The following GABRA1 variants were observed in gnomAD, a reference collection of about 807,000 sequenced individuals.
GABRA1 encodes the protein gamma-aminobutyric acid receptor subunit alpha-1.
Under a neutral mutation model 48.9 loss-of-function variants are expected in GABRA1, and 9 were observed. The observed-to-expected ratio is 0.18, with a 90% CI of 0.11 to 0.32. The LOEUF (loss-of-function observed/expected upper bound fraction) is 0.32, where lower values mean the gene tolerates loss of function less well. GABRA1 is among the 10% of genes least tolerant of loss of function. The pLI, the probability that GABRA1 is intolerant of heterozygous loss-of-function variation, is 1.00. For synonymous variants in GABRA1, 210 were observed against 198.7 expected (o/e 1.06, Z -0.48); for missense variants, 285 against 553.8 (o/e 0.51, Z 4.87).
chr5:161,856,727 A>G (rs1757660390), intron 3 of GABRA1, among the ~76,000 whole-genome samples: 1 of 151,340 alleles, frequency 6.6e-6, no homozygotes, highest in African/African-American at 2.4e-5. Context: ...ATAAAATGGC[A>G]CATGTTTATT....
intron 7 of GABRA1, among the ~76,000 whole-genome samples, chr5:161,885,264 G>A (rs2113424305): frequency 6.6e-6 from 1 of 152,184 alleles, no homozygotes; most frequent in African/African-American, 2.4e-5. Flanking sequence ...GATTTCAGTA[G>A]AAAGAAACAG....
intron 1 of GABRA1, 83 bp downstream of exon 1, chr5:161,848,505 C>CGGGGGGGGGGGGGG (rs35469580): frequency 9.8e-5 from 3 of 30,702 alleles, no homozygotes; most frequent in African/African-American, 1.5e-4. Flanking sequence ...ATGTTATAGT[C>CGGGGGGGGGGGGGG]GGGGGGGGGG....
At chr5:161,848,995 C>T (rs1581172933) in intron 1 of GABRA1, 1 of 455,022 alleles carries the variant, frequency 2.2e-6, no homozygotes, top group South Asian at 1.5e-5. Context: ...ATTCTGAACA[C>T]GAAAACTCAA....
chr5:161,881,497 T>C (rs980441125), intron 6 of GABRA1, among the ~76,000 whole-genome samples: 1 of 152,140 alleles, frequency 6.6e-6, no homozygotes, highest in Non-Finnish European at 1.5e-5. Flanking sequence ...TAAAAATGAT[T>C]GAGAAGAGTG....
At chr5:161,886,762 G>A (rs1754866751) in intron 7 of GABRA1, among the ~76,000 whole-genome samples, 1 of 152,066 alleles carries the variant, frequency 6.6e-6, no homozygotes, top group Admixed American at 6.6e-5. Context: ...GGGTGACAGA[G>A]TGAGACCCTG....
At chr5:161,863,296 G>A (rs901696314) in intron 3 of GABRA1, among the ~76,000 whole-genome samples, 4 of 151,862 alleles carry the variant, frequency 2.6e-5, no homozygotes, top group African/African-American at 7.3e-5. Flanking sequence ...TAACTGAGAC[G>A]GGTAATTTAT....
Position 161,883,933 on chromosome 5 carries a change from A to G in GABRA1, c.703+1232A>G, listed in dbSNP as rs1581208391. Among the ~76,000 whole-genome samples, 6 of 151,948 alleles carry G rather than the reference A, an allele frequency of 3.9e-5. No homozygotes were observed. In the East Asian group the frequency reaches 9.6e-4, roughly 24 times the overall value. On this transcript the variant is annotated intron_variant, in intron 7 of 9. Coordinates refer to ENST00000393943, the MANE Select transcript of GABRA1 (RefSeq NM_001127644.2). Reference sequence around the variant, plus strand: ...TCTCTTTTTTTCTTATTTCAAATCCAAGTGGCATAGTGGAAAGGTCATAGG... The same window carrying G: ...TCTCTTTTTTTCTTATTTCAAATCCGAGTGGCATAGTGGAAAGGTCATAGG...
rs1755497811 is a variant in GABRA1 at position 161,898,980 on chromosome 5, T to C, written c.*1558T>C. ...CATTAATACTTCCTTATAAAAATTC[T>C]AGTCTGTTTCATTACTGCCCAGATG... On this transcript the variant is annotated 3_prime_UTR_variant, in exon 10 of 10. Transcript: ENST00000393943. 1.3e-5 allele frequency: 2 copies of C among 152,586 alleles called. No homozygotes were observed. Among genetic ancestry groups the C allele is most frequent in the African/African-American group, 4.8e-5 (2 of 41,462 alleles). The allele number at this position is 152,586 out of a possible 1,614,324, so 9.5% of individuals were successfully genotyped here.
At chr5:161,895,173 G>A (rs994026246) in intron 8 of GABRA1, among the ~76,000 whole-genome samples, 1 of 152,012 alleles carries the variant, frequency 6.6e-6, no homozygotes, top group African/African-American at 2.4e-5. Context: ...CAATAAAGTG[G>A]CAATTTTCCC....
chr5:161,850,738 G>T (rs998322233), intron 1 of GABRA1, 58 bp from the exon 2 acceptor site: 2 of 1,416,256 alleles, frequency 1.4e-6, no homozygotes, highest in South Asian at 1.1e-5. Flanking sequence ...CAGCCCTGGT[G>T]GTTATAACCT....
chr5:161,853,121 TCCTA>T (rs1359733776), intron 2 of GABRA1, among the ~76,000 whole-genome samples: 1 of 151,862 alleles, frequency 6.6e-6, no homozygotes, highest in African/African-American at 2.4e-5. Context: ...ATGTGATCCA[TCCTA>T]AGATAGAAAA....
chr5:161,853,016 A>G (rs1287947927), intron 2 of GABRA1, among the ~76,000 whole-genome samples: 1 of 151,912 alleles, frequency 6.6e-6, no homozygotes, highest in Non-Finnish European at 1.5e-5. Context: ...AGAAAATACA[A>G]AAGTGATATA....
chr5:161,871,848 G>T (rs1441820492), intron 4 of GABRA1, among the ~76,000 whole-genome samples: 1 of 152,066 alleles, frequency 6.6e-6, no homozygotes, highest in Non-Finnish European at 1.5e-5. Flanking sequence ...ACTATATCTG[G>T]TGCATTATAA....
In GABRA1 at chr5:161,875,627, C is replaced by T. The variant is rs1754315032; in HGVS notation, c.544C>T (p.Leu182=). ...DFPMDAHACP[L]KFGSYAYTRA... is the part of the protein sequence containing the mutation. The stretch of plus-strand genomic sequence containing the variant: ...CCCTATGGATGCCCATGCTTGCCCA[C>T]TAAAATTTGGAAGTTGTGAGTAAAT... Residue 182 remains leucine, a synonymous_variant, in exon 6 of 10, where the codon CTA becomes TTA. Coordinates refer to ENST00000393943, the MANE Select transcript of GABRA1 (RefSeq NM_001127644.2). 6.2e-7 allele frequency: 1 copy of T among 1,612,902 alleles called. No homozygotes were observed. The highest frequency in any genetic ancestry group is 1.3e-5 in the African/African-American group (1 of 74,878).
At chr5:161,892,833 T>C (rs1391537603) in intron 8 of GABRA1, among the ~76,000 whole-genome samples, 1 of 151,758 alleles carries the variant, frequency 6.6e-6, no homozygotes, top group African/African-American at 2.4e-5. Context: ...TGAAACCCCG[T>C]CTCTACTAAA....
intron 9 of GABRA1, 83 bp downstream of exon 9, chr5:161,895,951 T>A: frequency 1.8e-6 from 2 of 1,109,654 alleles, no homozygotes; most frequent in East Asian, 2.3e-5. Flanking sequence ...CCTGTGGTAT[T>A]GGATGGAGTA....
chr5:161,870,454 C>T (rs1014560532), intron 4 of GABRA1, among the ~76,000 whole-genome samples: 3 of 151,220 alleles, frequency 2.0e-5, no homozygotes, highest in African/African-American at 4.9e-5. Context: ...CCCAGCTACT[C>T]GGGAGGCTGA....
At chr5:161,867,484 C>T (rs12659175) in intron 4 of GABRA1, among the ~76,000 whole-genome samples, 29,184 of 152,118 alleles carry the variant, frequency 0.19, 3,447 homozygotes, top group Middle Eastern at 0.3. Context: ...TCACCATCAG[C>T]AGCAGCATGA....
intron 6 of GABRA1, among the ~76,000 whole-genome samples, chr5:161,877,376 T>C (rs1754405934): frequency 6.6e-6 from 1 of 152,194 alleles, no homozygotes; most frequent in Admixed American, 6.5e-5. Flanking sequence ...AGTTTATCAT[T>C]TTATATAAGA....
Sources: allele counts gnomAD v4.1 joint callset (sites outside exome capture counted in the v4.1 genomes callset), GRCh38; gene constraint gnomAD v4.1.1; transcripts MANE v1.5; gene names NCBI Gene and HGNC (gene_info 2026-07-23, HGNC 2026-07-21).